Variants in CADPS observed in about 807,000 individuals in gnomAD.
CADPS encodes calcium dependent secretion activator, also known as calcium-dependent secretion activator 1.
A neutral mutation model predicts 167.3 loss-of-function variants in CADPS; 57 were observed. That is an observed-to-expected ratio of 0.34 (90% CI 0.28 to 0.42). The LOEUF (loss-of-function observed/expected upper bound fraction) is 0.42. CADPS is among the 20% of genes least tolerant of loss of function. The probability of loss-of-function intolerance (pLI) is 1.00; values close to 1 mark genes in which losing one functional copy is unlikely to be tolerated. For synonymous variants in CADPS, 676 were observed against 635.3 expected (o/e 1.06, Z -0.96); for missense variants, 1,414 against 1,738.1 (o/e 0.81, Z 3.32).
At chr3:62,492,265 T>G (rs781677576) in intron 20 of CADPS, 25 bp downstream of exon 20, 3 of 1,607,478 alleles carry the variant, frequency 1.9e-6, no homozygotes, top group South Asian at 1.1e-5. Context: ...CTTAGGAAAG[T>G]CAAACAGTCA....
chr3:62,662,128 G>A (rs1328536045), intron 4 of CADPS, among the ~76,000 whole-genome samples, 186 bp downstream of exon 4: 1 of 152,166 alleles, frequency 6.6e-6, no homozygotes, highest in Non-Finnish European at 1.5e-5. Flanking sequence ...CATAGGAAAT[G>A]CATGAGGTAT....
rs11353455 is a variant in CADPS, at chr3:62,417,276, C to CTTTTTTTTTTTTTTTTTTTTTT, written c.3778-14113_3778-14092dup. ...ACACAATAACTATTTTTCTTTTACTCTTTTTTTTTTTTTTTTTTTTTTTTT... is the reference window on the plus strand; with the variant it reads ...ACACAATAACTATTTTTCTTTTACTCTTTTTTTTTTTTTTTTTTTTTTTTTTTTTTTTTTTTTTTTTTTTTTT... On this transcript the variant is annotated intron_variant, in intron 28 of 29. Transcript: ENST00000383710. Among the ~76,000 whole-genome samples, 13 of 64,044 alleles carry CTTTTTTTTTTTTTTTTTTTTTT rather than the reference C, an allele frequency of 2.0e-4. 6 individuals are homozygous for CTTTTTTTTTTTTTTTTTTTTTT. Among genetic ancestry groups the CTTTTTTTTTTTTTTTTTTTTTT allele is most frequent in the African/African-American group, 2.3e-4 (4 of 17,372 alleles). The allele number at this position is 64,044 out of a possible 152,430, so 42.0% of individuals were successfully genotyped here.
intron 3 of CADPS, among the ~76,000 whole-genome samples, chr3:62,712,942 A>C (rs1410706931): frequency 3.3e-5 from 5 of 152,200 alleles, no homozygotes; most frequent in African/African-American, 1.2e-4. Context: ...ATGGATGCAA[A>C]TGAGCCAGCC....
At chr3:62,461,105 G>C (rs1009626327) in intron 26 of CADPS, among the ~76,000 whole-genome samples, 1 of 152,130 alleles carries the variant, frequency 6.6e-6, no homozygotes, top group African/African-American at 2.4e-5. Context: ...TGAGCTGGGG[G>C]GAGCTTAACC....
intron 1 of CADPS, among the ~76,000 whole-genome samples, chr3:62,854,739 A>T (rs1012260063): frequency 6.6e-6 from 1 of 152,202 alleles, no homozygotes. Flanking sequence ...TTGAGCCTGA[A>T]AAATATTTCC....
chr3:62,517,088 G>A (rs1268141333), intron 14 of CADPS, among the ~76,000 whole-genome samples: 1 of 152,142 alleles, frequency 6.6e-6, no homozygotes, highest in Non-Finnish European at 1.5e-5. Flanking sequence ...TCATGATTCT[G>A]CTAGCTATCC....
At chr3:62,416,159 T>C (rs1395563540) in intron 28 of CADPS, among the ~76,000 whole-genome samples, 3 of 152,156 alleles carry the variant, frequency 2.0e-5, no homozygotes, top group Non-Finnish European at 4.4e-5. Flanking sequence ...CACACAAAAT[T>C]ACTCAGCAGG....
At chr3:62,871,897 TCAGA>T (rs1560031003) in intron 1 of CADPS, among the ~76,000 whole-genome samples, 2 of 152,152 alleles carry the variant, frequency 1.3e-5, no homozygotes, top group Admixed American at 6.5e-5. Flanking sequence ...TGAAAGCTGT[TCAGA>T]AAGATAAAAT....
chr3:62,683,402 C>T (rs2077455448), intron 3 of CADPS, among the ~76,000 whole-genome samples: 2 of 152,014 alleles, frequency 1.3e-5, no homozygotes, highest in South Asian at 4.1e-4. Context: ...TTATAGCATA[C>T]AAAGGCTCGT....
At chr3:62,692,627 A>G (rs941297227) in intron 3 of CADPS, among the ~76,000 whole-genome samples, 3 of 152,180 alleles carry the variant, frequency 2.0e-5, no homozygotes, top group Admixed American at 6.5e-5. Context: ...GAAAGATGCC[A>G]TTCCTTTCAA....
At chr3:62,825,644 G>C (rs542753720) in intron 1 of CADPS, among the ~76,000 whole-genome samples, 1 of 152,246 alleles carries the variant, frequency 6.6e-6, no homozygotes, top group Non-Finnish European at 1.5e-5. Context: ...TAAATAATGG[G>C]GCTGAGATTT....
Position 62,593,019 on chromosome 3 carries a change from A to G in CADPS, c.1326-271T>C, listed in dbSNP as rs1429369539. ...ATTAGCATAAACTCATGTTGGTGAG[A>G]ACTTGTTCCCATGCATTTGCTGTAT... On this transcript the variant is annotated intron_variant, in intron 6 of 29. Coordinates refer to ENST00000383710, the MANE Select transcript of CADPS (RefSeq NM_003716.4). Among the ~76,000 whole-genome samples the G allele has an allele frequency of 1.3e-5, 2 of 152,312 alleles. 1 individual carries two copies. The highest frequency in any genetic ancestry group is 4.1e-4 in the South Asian group (2 of 4,824).
chr3:62,730,045 T>C (rs897811794), intron 3 of CADPS, among the ~76,000 whole-genome samples: 3 of 151,950 alleles, frequency 2.0e-5, no homozygotes, highest in Non-Finnish European at 4.4e-5. Flanking sequence ...ATTGGATACA[T>C]TGGCTGCTCT....
At chr3:62,786,779 AT>A (rs1401723664) in intron 1 of CADPS, among the ~76,000 whole-genome samples, 1 of 152,212 alleles carries the variant, frequency 6.6e-6, no homozygotes, top group Non-Finnish European at 1.5e-5. Flanking sequence ...TTTTAAAGAA[AT>A]TTTCAAAAAA....
At chr3:62,704,195 T>A (rs1206002578) in intron 3 of CADPS, among the ~76,000 whole-genome samples, 2 of 152,168 alleles carry the variant, frequency 1.3e-5, no homozygotes, top group African/African-American at 4.8e-5. Context: ...ATTACACTTG[T>A]GTTGCAGAAA....
At chr3:62,732,940 G>T (rs1166869656) in intron 3 of CADPS, among the ~76,000 whole-genome samples, 1 of 152,196 alleles carries the variant, frequency 6.6e-6, no homozygotes, top group Non-Finnish European at 1.5e-5. Context: ...AGTTGTGATG[G>T]AGGGTGTGTG....
rs540368693 is a variant in CADPS at position 62,802,152 on chromosome 3, G to T, written c.442-36168C>A. Among the ~76,000 whole-genome samples the T allele has an allele frequency of 2.2e-4, 34 of 152,216 alleles. 1 individual carries two copies. In the South Asian group the frequency reaches 6.6e-3, roughly 30 times the overall value. On this transcript the variant is annotated intron_variant, in intron 1 of 29. Transcript: ENST00000383710. ...TAAGCCACAGGACACATAAGGCCAA[G>T]CCAAATTTTGACTATAACCTAGTAT...
chr3:62,401,259 C>T (rs1706007684), intron 29 of CADPS, among the ~76,000 whole-genome samples: 1 of 152,050 alleles, frequency 6.6e-6, no homozygotes, highest in African/African-American at 2.4e-5. Flanking sequence ...TCTGTTGCCA[C>T]TTAGAATAAC....
At chr3:62,780,448 A>G (rs1476207976) in intron 1 of CADPS, among the ~76,000 whole-genome samples, 1 of 152,178 alleles carries the variant, frequency 6.6e-6, no homozygotes, top group Non-Finnish European at 1.5e-5. Flanking sequence ...AAACTTGAAA[A>G]TAAAAATAAA....
Sources: allele counts gnomAD v4.1 joint callset (sites outside exome capture counted in the v4.1 genomes callset), GRCh38; gene constraint gnomAD v4.1.1; transcripts MANE v1.5; gene names NCBI Gene and HGNC (gene_info 2026-07-23, HGNC 2026-07-21).